The following ODAD1 variants were observed in gnomAD, a reference collection of about 807,000 sequenced individuals.
ODAD1 encodes outer dynein arm-docking complex subunit 1.
In ODAD1, 49 loss-of-function variants were observed where a neutral mutation model predicts 67.2. The observed-to-expected ratio is 0.73, with a 90% CI of 0.58 to 0.92. The LOEUF (loss-of-function observed/expected upper bound fraction) is 0.92. Among genes scored for constraint, ODAD1 ranks in the 40% least tolerant of loss-of-function variants. ODAD1 has a pLI of 0.00. For synonymous variants in ODAD1, 345 were observed against 393.7 expected (o/e 0.88, Z 1.46); for missense variants, 897 against 953.7 (o/e 0.94, Z 0.78).
chr19:48,314,584 CCT>C (rs1462642232), intron 5 of ODAD1, among the ~76,000 whole-genome samples: 2 of 152,150 alleles, frequency 1.3e-5, no homozygotes, highest in Non-Finnish European at 2.9e-5. Context: ...GCGCTATCAT[CCT>C]TTTGAAGATG....
rs779554530 is a variant in ODAD1 at position 48,298,083 on chromosome 19, C to T, written c.1419G>A (p.Leu473=). The part of the protein sequence containing the change: ...AFLHAQSFTS[L]ADAALLVLGQ... ...CCAGCACTAGGAGGGCAGCGTCGGC[C>T]AGGGAGGTGAAGCTCTGGAGAGTGT... Residue 473 remains leucine, a synonymous_variant, in exon 14 of 16, where the codon CTG becomes CTA. Transcript: ENST00000674294. The T allele has an allele frequency of 1.9e-6, 3 of 1,613,184 alleles. No homozygotes were observed. Among genetic ancestry groups the T allele is most frequent in the Non-Finnish European group, 2.5e-6 (3 of 1,179,746 alleles).
chr19:48,318,548 G>A lies in ODAD1; in HGVS notation c.199C>T (p.Arg67Trp), dbSNP rs763939366. Reference sequence around the variant, plus strand: ...CTGATCTGCACCTGGAGATCGCCCCGTACCTCCTCCAAGCGCCGGATCTCC... The same window carrying A: ...CTGATCTGCACCTGGAGATCGCCCCATACCTCCTCCAAGCGCCGGATCTCC... ...LEEIRRLEEV[R>W]GDLQVQISAA... Residue 67 changes from arginine (R) to tryptophan (W), a missense_variant, in exon 5 of 16, where the codon CGG becomes TGG. Arg to Trp is a moderately radical substitution (Grantham distance 101). Transcript: ENST00000674294. 92 of 1,551,316 alleles carry A rather than the reference G, an allele frequency of 5.9e-5. No individual in the cohort carries two copies. Among genetic ancestry groups the A allele is most frequent in the Non-Finnish European group, 7.3e-5 (84 of 1,146,920 alleles).
Position 48,306,207 on chromosome 19 carries a change from G to A in ODAD1, c.665+49C>T, listed in dbSNP as rs755454266. On this transcript the variant is annotated intron_variant, in intron 8 of 15. Coordinates refer to ENST00000674294, the MANE Select transcript of ODAD1 (RefSeq NM_001364171.2). The stretch of plus-strand genomic sequence containing the variant: ...CCATCACTGCCTTATGGAAAGGTGC[G>A]TCCTGAGTCATCTGGGTCCCGCCAT... 50 of 1,550,296 alleles carry A rather than the reference G, an allele frequency of 3.2e-5. No homozygotes were observed. In the Admixed American group the frequency reaches 3.5e-4, roughly 11 times the overall value.
rs1968299885 is a variant in ODAD1, at chr19:48,296,941, A to C, written c.*35T>G. On this transcript the variant is annotated 3_prime_UTR_variant, in exon 16 of 16. Coordinates refer to ENST00000674294, the MANE Select transcript of ODAD1 (RefSeq NM_001364171.2). ...AGACACAAAAAAAGACCCCACAGAG[A>C]GCCAGGGCAGGGTGGGGGCTGCGTG... 3 of 1,534,002 alleles carry C rather than the reference A, an allele frequency of 2.0e-6. No individual in the cohort carries two copies. The highest frequency in any genetic ancestry group is 2.6e-6 in the Non-Finnish European group (3 of 1,147,468).
At chr19:48,318,362 C>T (rs763203052) in intron 5 of ODAD1, 25 bp downstream of exon 5, 28 of 1,542,108 alleles carry the variant, frequency 1.8e-5, no homozygotes, top group African/African-American at 2.7e-5. Flanking sequence ...AAGCAGGATC[C>T]GTAGAACCAC....
intron 5 of ODAD1, among the ~76,000 whole-genome samples, chr19:48,316,639 T>C (rs531306455): frequency 1.0e-3 from 157 of 152,352 alleles, no homozygotes; most frequent in African/African-American, 3.5e-3. Context: ...TGCCAGTTTC[T>C]GCAGATGGGA....
rs780809166 is a variant in ODAD1, at chr19:48,302,754, C to T, written c.1180G>A (p.Ala394Thr). ...TGGAAGCGGGCCTCAAGGCGCTCAG[C>T]CTCCGAGTGCACCTTGTCCATGCGC... is the stretch of plus-strand genomic sequence containing the variant. ...QQRMDKVHSE[A>T]ERLEARFQDV... The change falls in exon 12 of 16, where the codon GCT becomes ACT. Residue 394 changes from alanine to threonine, a missense_variant. Ala to Thr is a moderately conservative substitution (Grantham distance 58). Coordinates refer to ENST00000674294, the MANE Select transcript of ODAD1 (RefSeq NM_001364171.2). 1.4e-5 allele frequency: 22 copies of T among 1,613,504 alleles called. No individual in the cohort carries two copies. Among genetic ancestry groups the T allele is most frequent in the Non-Finnish European group, 1.8e-5 (21 of 1,180,024 alleles).
In ODAD1 at chr19:48,297,632, G is replaced by A. The variant is rs1451684563; in HGVS notation, c.1539C>T (p.Tyr513=). ...DPPGFEASDD[Y]PMSREELLSQ... is the part of the protein sequence containing the mutation. ...TCAGCAGCTCCTCCCTGCTCATGGG[G>A]TAGTCATCGCTGGCCTCAAAACCCG... is the stretch of plus-strand genomic sequence containing the variant. The change falls in exon 15 of 16, where the codon TAC becomes TAT. Residue 513 remains tyrosine (Y), a synonymous_variant. Coordinates refer to ENST00000674294, the MANE Select transcript of ODAD1 (RefSeq NM_001364171.2). 4 of 1,526,168 alleles carry A rather than the reference G, an allele frequency of 2.6e-6. No homozygotes were observed. The highest frequency in any genetic ancestry group is 1.3e-5 in the South Asian group (1 of 76,374). 94.5% of individuals were successfully genotyped at this position (1,526,168 alleles called of 1,614,324 possible). A position where few individuals can be genotyped will look rare whatever the true frequency, so the allele number is the denominator to read the frequency against.
chr19:48,310,671 A>G (rs759705054), intron 7 of ODAD1, among the ~76,000 whole-genome samples: 1 of 152,224 alleles, frequency 6.6e-6, no homozygotes, highest in Non-Finnish European at 1.5e-5. Flanking sequence ...CAATAGTAAG[A>G]GTGGGGGAGA....
intron 8 of ODAD1, among the ~76,000 whole-genome samples, chr19:48,304,342 C>G (rs1968550889): frequency 6.6e-6 from 1 of 152,146 alleles, no homozygotes; most frequent in Non-Finnish European, 1.5e-5. Context: ...AAGCAGAGAA[C>G]TGGCTGGGCA....
Position 48,303,697 on chromosome 19 carries a change from A to G in ODAD1, c.941T>C (p.Leu314Pro). The change falls in exon 10 of 16, where the codon CTG (leucine) becomes CCG (proline). Residue 314 changes from leucine to proline, a missense_variant. Physicochemically the swap from Leu to Pro is moderately conservative, Grantham distance 98 (BLOSUM62 -3). Transcript: ENST00000674294. ...CAGGTCAGGGTCACTCTCCCCCATCAGCTGGGACAGTTTATTCAGGGCGTC... is the reference window on the plus strand; with the variant it reads ...CAGGTCAGGGTCACTCTCCCCCATCGGCTGGGACAGTTTATTCAGGGCGTC... ...YEDALNKLSQ[L>P]MGESDPDLLV... 4 of 1,614,112 alleles carry G rather than the reference A, an allele frequency of 2.5e-6. No homozygotes were observed. The highest frequency in any genetic ancestry group is 3.4e-6 in the Non-Finnish European group (4 of 1,179,992).
chr19:48,305,782 G>A (rs1018703407), intron 8 of ODAD1, among the ~76,000 whole-genome samples: 2 of 152,008 alleles, frequency 1.3e-5, no homozygotes, highest in Non-Finnish European at 2.9e-5. Flanking sequence ...CAGGGCCGGT[G>A]GGGTGCAATG....
intron 8 of ODAD1, among the ~76,000 whole-genome samples, chr19:48,304,950 C>T (rs912146057): frequency 3.3e-5 from 5 of 152,158 alleles, no homozygotes; most frequent in African/African-American, 4.8e-5. Flanking sequence ...TGCGGTTGCA[C>T]GGCCCCGTGA....
chr19:48,308,296 T>A (rs1399378361), intron 7 of ODAD1, among the ~76,000 whole-genome samples: 1 of 152,028 alleles, frequency 6.6e-6, no homozygotes, highest in Non-Finnish European at 1.5e-5. Context: ...TGCCTCAGCC[T>A]CCCAAGTAGC....
chr19:48,311,712 T>G, intron 6 of ODAD1, 46 bp from the exon 7 acceptor site: 1 of 1,163,194 alleles, frequency 8.6e-7, no homozygotes, highest in Non-Finnish European at 1.3e-6. Context: ...AAGCCAAGTC[T>G]GCCTGCCTCC....
At chr19:48,311,830 G>C (rs993573950) in intron 6 of ODAD1, among the ~76,000 whole-genome samples, 164 bp from the exon 7 acceptor site, 1 of 152,064 alleles carries the variant, frequency 6.6e-6, no homozygotes, top group African/African-American at 2.4e-5. Flanking sequence ...TCCCCTCTAA[G>C]GACCCATCAT....
At position 48,297,191 on chromosome 19, in the gene ODAD1, T is replaced by A; in HGVS notation, c.1909A>T (p.Thr637Ser). 6.2e-7 allele frequency: 1 copy of A among 1,614,008 alleles called. No homozygotes were observed. The highest frequency in any genetic ancestry group is 8.5e-7 in the Non-Finnish European group (1 of 1,179,954). ...STSASSGGHV[T>S]FRPVSASSYL... ...CTGCTGGCGCTGACGGGTCTGAAGG[T>A]CACGTGGCCCCCACTCGAGGCACTG... The change falls in exon 16 of 16, where the codon ACC (threonine) becomes TCC (serine). Residue 637 changes from threonine to serine, a missense_variant. Physicochemically the swap from Thr to Ser is moderately conservative, Grantham distance 58. Transcript: ENST00000674294.
intron 8 of ODAD1, among the ~76,000 whole-genome samples, chr19:48,305,176 AAG>A (rs1432133496): frequency 3.3e-5 from 5 of 152,184 alleles, no homozygotes; most frequent in Non-Finnish European, 7.3e-5. Context: ...GAAGCTGAGA[AAG>A]AGACAGGGAT....
intron 7 of ODAD1, among the ~76,000 whole-genome samples, chr19:48,309,088 C>G (rs1382943058): frequency 2.0e-5 from 3 of 152,170 alleles, no homozygotes; most frequent in African/African-American, 4.8e-5. Flanking sequence ...ACCGCACCCC[C>G]CTCCCCACCC....
Sources: allele counts gnomAD v4.1 joint callset (sites outside exome capture counted in the v4.1 genomes callset), GRCh38; gene constraint gnomAD v4.1.1; transcripts MANE v1.5; gene names NCBI Gene and HGNC (gene_info 2026-07-23, HGNC 2026-07-21).